Variants in SLC12A8 observed in about 807,000 individuals in gnomAD.
SLC12A8 encodes the protein cation-chloride cotransporter 9.
A neutral mutation model predicts 75.6 loss-of-function variants in SLC12A8; 69 were observed. The observed-to-expected ratio is 0.91, with a 90% confidence interval of 0.75 to 1.11. SLC12A8 has a LOEUF of 1.11. SLC12A8 is among the 50% of genes most tolerant of loss of function. The probability of loss-of-function intolerance (pLI) is 0.00; values close to 1 mark genes in which losing one functional copy is unlikely to be tolerated. For synonymous variants in SLC12A8, 365 were observed against 372.8 expected (o/e 0.98, Z 0.24); for missense variants, 877 against 896.7 (o/e 0.98, Z 0.28).
At chr3:125,085,999 G>C (rs1368769293) in intron 13 of SLC12A8, among the ~76,000 whole-genome samples, 1 of 151,880 alleles carries the variant, frequency 6.6e-6, no homozygotes, top group Admixed American at 6.6e-5. Flanking sequence ...CCGCCTCCCG[G>C]GTTCAAGTGA....
At chr3:125,103,538 C>T (rs1328151989) in intron 10 of SLC12A8, among the ~76,000 whole-genome samples, 1 of 151,412 alleles carries the variant, frequency 6.6e-6, no homozygotes, top group Non-Finnish European at 1.5e-5. Context: ...GATGATGGCT[C>T]ATTGTAGCCT....
At chr3:125,112,601 T>C (rs1939215425) in intron 8 of SLC12A8, among the ~76,000 whole-genome samples, 1 of 152,188 alleles carries the variant, frequency 6.6e-6, no homozygotes, top group African/African-American at 2.4e-5. Flanking sequence ...CTAGGTGCCT[T>C]ACAAAACTGT....
intron 5 of SLC12A8, among the ~76,000 whole-genome samples, chr3:125,163,629 A>G (rs906545505): frequency 2.6e-5 from 4 of 152,080 alleles, no homozygotes; most frequent in Non-Finnish European, 5.9e-5. Context: ...AAAAAGAAAA[A>G]GAAATGCTAC....
chr3:125,168,840 C>T (rs1934347030), intron 5 of SLC12A8, among the ~76,000 whole-genome samples: 1 of 152,170 alleles, frequency 6.6e-6, no homozygotes, highest in South Asian at 2.1e-4. Context: ...CAGCCAAGCA[C>T]AAGCCCCCTC....
intron 10 of SLC12A8, among the ~76,000 whole-genome samples, chr3:125,096,015 A>G (rs1444411437): frequency 6.6e-6 from 1 of 152,126 alleles, no homozygotes; most frequent in Non-Finnish European, 1.5e-5. Context: ...ACATGGCCCT[A>G]TACAGCACTG....
chr3:125,096,826 T>C (rs1938723538), intron 10 of SLC12A8, among the ~76,000 whole-genome samples: 1 of 118,006 alleles, frequency 8.5e-6, no homozygotes, highest in Admixed American at 8.1e-5. Context: ...AACAATTTAA[T>C]TAAATTGGTT....
At chr3:125,189,554 G>T (rs1054566587) in intron 3 of SLC12A8, among the ~76,000 whole-genome samples, 1 of 152,220 alleles carries the variant, frequency 6.6e-6, no homozygotes, top group African/African-American at 2.4e-5. Flanking sequence ...ACCCACCACA[G>T]CTGTTAGCTC....
intron 3 of SLC12A8, among the ~76,000 whole-genome samples, chr3:125,189,017 C>A (rs912435329): frequency 3.9e-5 from 6 of 152,234 alleles, no homozygotes; most frequent in African/African-American, 1.4e-4. Context: ...GTCAACTTGG[C>A]TAGACTACGG....
chr3:125,148,410 AG>A (rs1438104127), intron 5 of SLC12A8, among the ~76,000 whole-genome samples: 4 of 152,214 alleles, frequency 2.6e-5, no homozygotes, highest in Non-Finnish European at 5.9e-5. Flanking sequence ...ATGAAGATCC[AG>A]GCAAGAGGGA....
intron 5 of SLC12A8, among the ~76,000 whole-genome samples, chr3:125,149,019 C>T (rs1285858755): frequency 2.0e-5 from 3 of 152,222 alleles, no homozygotes; most frequent in Non-Finnish European, 4.4e-5. Context: ...GGTCACCCAT[C>T]GCTTCCTCGG....
chr3:125,143,211 T>C (rs957112624), intron 5 of SLC12A8, among the ~76,000 whole-genome samples: 3 of 152,230 alleles, frequency 2.0e-5, no homozygotes, highest in African/African-American at 4.8e-5. Flanking sequence ...TCCCAATCTG[T>C]TGGGCTCTCC....
intron 13 of SLC12A8, among the ~76,000 whole-genome samples, chr3:125,084,632 T>G (rs928675811): frequency 1.3e-5 from 2 of 152,190 alleles, no homozygotes; most frequent in African/African-American, 4.8e-5. Context: ...TCGGTTGGAA[T>G]AAACTGGGAA....
At chr3:125,142,138 G>T (rs926991988) in intron 5 of SLC12A8, among the ~76,000 whole-genome samples, 2 of 152,208 alleles carry the variant, frequency 1.3e-5, no homozygotes, top group Non-Finnish European at 2.9e-5. Context: ...ACGGGGATCT[G>T]CAGCCAATCC....
chr3:125,106,352 G>GTT (rs113822511), intron 10 of SLC12A8, among the ~76,000 whole-genome samples: 1 of 149,652 alleles, frequency 6.7e-6, no homozygotes. Context: ...GGTTTTTGGG[G>GTT]TTTTTTGTTG....
intron 5 of SLC12A8, among the ~76,000 whole-genome samples, chr3:125,152,336 G>A (rs893152221): frequency 6.6e-6 from 1 of 152,180 alleles, no homozygotes; most frequent in East Asian, 1.9e-4. Context: ...CTCATACCAC[G>A]ATCACCTCTG....
Position 125,198,800 on chromosome 3 carries a change from T to C in SLC12A8, c.52-8279A>G, listed in dbSNP as rs534268391. 5.0e-4 allele frequency among the ~76,000 whole-genome samples: 74 copies of C among 149,016 alleles called. No homozygotes were observed. The East Asian group carries it at 0.013, about 26-fold the overall frequency. On this transcript the variant is annotated intron_variant, in intron 2 of 13. Transcript: ENST00000469902. Reference sequence around the variant, plus strand: ...ATAGGATTTTTTTTTTTTTTTGAGATGGAGTCTCGCTCTATCACCCAGGCT... The same window carrying C: ...ATAGGATTTTTTTTTTTTTTTGAGACGGAGTCTCGCTCTATCACCCAGGCT...
chr3:125,121,634 A>G (rs2107751635), intron 6 of SLC12A8, among the ~76,000 whole-genome samples: 1 of 152,314 alleles, frequency 6.6e-6, no homozygotes, highest in South Asian at 2.1e-4. Flanking sequence ...GAAAGGTAGA[A>G]TTATTTCCTC....
intron 10 of SLC12A8, among the ~76,000 whole-genome samples, chr3:125,102,882 C>T (rs1459309306): frequency 6.6e-6 from 1 of 152,122 alleles, no homozygotes; most frequent in Admixed American, 6.5e-5. Flanking sequence ...CCTAGGGCCC[C>T]CAGAGAGGGT....
intron 5 of SLC12A8, among the ~76,000 whole-genome samples, chr3:125,139,587 C>A (rs1394785305): frequency 6.6e-6 from 1 of 152,192 alleles, no homozygotes; most frequent in African/African-American, 2.4e-5. Context: ...GGGTCTCTTT[C>A]CCACACCCTG....
Sources: gnomAD v4.1 joint callset for allele counts (sites outside exome capture counted in the v4.1 genomes callset) on GRCh38, gnomAD v4.1.1 for gene constraint, MANE v1.5 for transcripts, NCBI Gene and HGNC (gene_info 2026-07-23, HGNC 2026-07-21) for gene names.